The following LARP1 variants were observed in gnomAD, a reference collection of about 807,000 sequenced individuals.
The protein encoded by LARP1 is la-related protein 1.
In LARP1, 36 loss-of-function variants were observed where a neutral mutation model predicts 122.7. The ratio of observed to expected loss-of-function variants is 0.29; its 90% CI spans 0.22 to 0.39. LARP1 has a LOEUF of 0.39. Ranked by LOEUF, LARP1 falls within the 10% of genes least tolerant of loss-of-function variation. The pLI is 1.00. For missense variants in LARP1, 1,040 were observed against 1,403.6 expected (o/e 0.74, Z 4.14); for synonymous variants, 539 against 528.7 (o/e 1.02, Z -0.27).
intron 4 of LARP1, 40 bp from the exon 5 acceptor site, chr5:154,793,555 C>G: frequency 6.2e-6 from 10 of 1,613,726 alleles, no homozygotes; most frequent in Non-Finnish European, 7.6e-6. Flanking sequence ...GGAGTGGCCT[C>G]TCCCTCAAGC....
chr5:154,702,401 C>A (rs1754759521), intron 1 of LARP1, among the ~76,000 whole-genome samples: 2 of 151,896 alleles, frequency 1.3e-5, no homozygotes, highest in Non-Finnish European at 2.9e-5. Context: ...ACTAAAAATA[C>A]AAAAATTTCC....
intron 1 of LARP1, among the ~76,000 whole-genome samples, chr5:154,697,769 G>A (rs538536063): frequency 6.6e-6 from 1 of 152,238 alleles, no homozygotes; most frequent in South Asian, 2.1e-4. Context: ...GGTGCAGGGG[G>A]GATAGAAAGA....
chr5:154,748,076 C>G (rs899778463), intron 1 of LARP1, among the ~76,000 whole-genome samples: 1 of 152,210 alleles, frequency 6.6e-6, no homozygotes, highest in Admixed American at 6.5e-5. Context: ...TCCTGAACTC[C>G]TGGCCTCAAG....
intron 1 of LARP1, among the ~76,000 whole-genome samples, chr5:154,724,339 A>C (rs1756067725): frequency 2.6e-5 from 4 of 152,182 alleles, no homozygotes; most frequent in Admixed American, 2.6e-4. Context: ...TAAAGCTCTG[A>C]CTCAGCTAGA....
intron 1 of LARP1, among the ~76,000 whole-genome samples, chr5:154,724,209 A>G (rs952675439): frequency 1.3e-5 from 2 of 152,178 alleles, no homozygotes; most frequent in African/African-American, 4.8e-5. Flanking sequence ...CATAACTCCT[A>G]TTTACAGATC....
chr5:154,708,769 A>C (rs958217566), upstream of LARP1, among the ~76,000 whole-genome samples: 2 of 151,962 alleles, frequency 1.3e-5, no homozygotes, highest in African/African-American at 4.8e-5. Flanking sequence ...GCACCACCAC[A>C]CCCAGCTAAT....
intron 8 of LARP1, 90 bp downstream of exon 8, chr5:154,795,409 G>A: frequency 7.5e-7 from 1 of 1,333,622 alleles, no homozygotes; most frequent in Non-Finnish European, 1.0e-6. Context: ...CCCTGGAAGA[G>A]TCATCATCTG....
upstream of LARP1, among the ~76,000 whole-genome samples, chr5:154,755,160 G>T (rs1753731874): frequency 6.6e-6 from 1 of 150,810 alleles, no homozygotes; most frequent in Non-Finnish European, 1.5e-5. Context: ...GTGCTCTGAG[G>T]AATCGGAGAC....
intron 1 of LARP1, chr5:154,729,429 G>A: frequency 2.7e-6 from 1 of 373,438 alleles, no homozygotes; most frequent in Non-Finnish European, 5.1e-6. Context: ...GTGTTACCTA[G>A]CATGCTATTG....
At chr5:154,793,546 G>T (rs1757504916) in intron 4 of LARP1, 49 bp from the exon 5 acceptor site, 7 of 1,613,036 alleles carry the variant, frequency 4.3e-6, no homozygotes, top group East Asian at 2.2e-5. Context: ...AGCTGGCTAG[G>T]AGTGGCCTCT....
At chr5:154,792,104 G>A (rs907585001) in intron 3 of LARP1, 5 of 389,106 alleles carry the variant, frequency 1.3e-5, no homozygotes, top group South Asian at 5.4e-5. Flanking sequence ...GCCAAGCACC[G>A]ACCTCCAGAC....
chr5:154,790,534 C>A, intron 2 of LARP1, 111 bp from the exon 3 acceptor site: 2 of 1,331,016 alleles, frequency 1.5e-6, no homozygotes, highest in Non-Finnish European at 2.2e-6. Flanking sequence ...TGTGAATGGT[C>A]CTGGTGAACA....
chr5:154,777,687 A>G (rs1173081298), intron 1 of LARP1, among the ~76,000 whole-genome samples: 1 of 152,186 alleles, frequency 6.6e-6, no homozygotes, highest in Non-Finnish European at 1.5e-5. Context: ...AAAAATAACA[A>G]AGTGTAACTG....
At chr5:154,701,047 T>G (rs1246014008) in intron 1 of LARP1, among the ~76,000 whole-genome samples, 1 of 152,136 alleles carries the variant, frequency 6.6e-6, no homozygotes, top group Non-Finnish European at 1.5e-5. Flanking sequence ...GGGCTCAAGA[T>G]ATTCTTCCTC....
At chr5:154,755,369 C>T (rs1391084535), upstream of LARP1, among the ~76,000 whole-genome samples, 1 of 151,052 alleles carries the variant, frequency 6.6e-6, no homozygotes, top group African/African-American at 2.4e-5. Context: ...CGCGCCTCTC[C>T]CCCGTCCGTC....
At chr5:154,709,930 G>A (rs180763006), upstream of LARP1, among the ~76,000 whole-genome samples, 5 of 152,140 alleles carry the variant, frequency 3.3e-5, no homozygotes, top group East Asian at 1.9e-4. Context: ...TGCTAGCATC[G>A]TCACCTCAAT....
upstream of LARP1, among the ~76,000 whole-genome samples, chr5:154,708,110 G>A (rs1472255986): frequency 6.6e-6 from 1 of 152,198 alleles, no homozygotes; most frequent in Non-Finnish European, 1.5e-5. Context: ...GAAAAGTAAT[G>A]CTCAAACTCT....
At chr5:154,736,054 G>T (rs1044234673) in intron 1 of LARP1, among the ~76,000 whole-genome samples, 1 of 151,662 alleles carries the variant, frequency 6.6e-6, no homozygotes, top group Non-Finnish European at 1.5e-5. Flanking sequence ...CAAGTAGCTG[G>T]GACTACAGGT....
chr5:154,799,961 G>C lies in LARP1; in HGVS notation c.1635G>C (p.Leu545=), dbSNP rs937187548. 1.2e-6 allele frequency: 2 copies of C among 1,614,210 alleles called. No homozygotes were observed. Residue 545 remains leucine, a synonymous_variant, in exon 10 of 19, where the codon CTG becomes CTC. Coordinates refer to ENST00000518297, the MANE Select transcript of LARP1 (RefSeq NM_033551.3). ...ACCTAAAGACACTACCCAAGGGCCTGTCTGCCAGCCTGCCTGACCTGGATT... is the reference window on the plus strand; with the variant it reads ...ACCTAAAGACACTACCCAAGGGCCTCTCTGCCAGCCTGCCTGACCTGGATT... The part of the protein sequence containing the change: ...VSNLKTLPKG[L]SASLPDLDSE...
Sources: gnomAD v4.1 joint callset for allele counts (sites outside exome capture counted in the v4.1 genomes callset) on GRCh38, gnomAD v4.1.1 for gene constraint, MANE v1.5 for transcripts, NCBI Gene and HGNC (gene_info 2026-07-23, HGNC 2026-07-21) for gene names.